PLXNA4: variants seen among roughly 807,000 people sequenced by gnomAD.
The protein encoded by PLXNA4 is plexin-A4.
In PLXNA4, 44 loss-of-function variants were observed where a neutral mutation model predicts 191.8. The observed-to-expected ratio is 0.23, with a 90% CI of 0.18 to 0.29. PLXNA4 has a LOEUF of 0.29. PLXNA4 is among the 10% of genes least tolerant of loss of function. The pLI is 1.00. For missense variants in PLXNA4, 1,800 were observed against 2,488.8 expected (o/e 0.72, Z 5.89); for synonymous variants, 1,082 against 1,009.5 (o/e 1.07, Z -1.36).
At chr7:132,412,025 G>A (rs879863182) in intron 3 of PLXNA4, among the ~76,000 whole-genome samples, 15 of 152,002 alleles carry the variant, frequency 9.9e-5, no homozygotes, top group Non-Finnish European at 1.5e-4. Context: ...CAAAGGTGCC[G>A]AGTTTGTTCT....
intron 3 of PLXNA4, among the ~76,000 whole-genome samples, chr7:132,460,039 T>C (rs1045273332): frequency 3.3e-5 from 5 of 151,994 alleles, no homozygotes; most frequent in Admixed American, 2.0e-4. Context: ...TATGGCTGTG[T>C]ACAATTCAGA....
chr7:132,154,160 C>A (rs1009705900), intron 25 of PLXNA4, among the ~76,000 whole-genome samples: 1 of 152,156 alleles, frequency 6.6e-6, no homozygotes, highest in Admixed American at 6.5e-5. Context: ...CCCACTCCAC[C>A]CTCCAAACCC....
chr7:132,223,428 A>C lies in PLXNA4; in HGVS notation c.2097+99T>G, dbSNP rs1048749816. Reference sequence around the variant, plus strand: ...GCCAGGAAGAAGGGGGTGGTCCTGCACAGTTTTCCTTTGGTTTCTCCTCTT... The same window carrying C: ...GCCAGGAAGAAGGGGGTGGTCCTGCCCAGTTTTCCTTTGGTTTCTCCTCTT... On this transcript the variant is annotated intron_variant, in intron 9 of 31. Transcript: ENST00000321063. 4.9e-6 allele frequency: 5 copies of C among 1,016,944 alleles called. No individual in the cohort carries two copies. The African/African-American group carries it at 8.0e-5, about 16-fold the overall frequency. The allele number at this position is 1,016,944 out of a possible 1,614,324, so 63.0% of individuals were successfully genotyped here.
chr7:132,228,641 A>T (rs531232636), intron 5 of PLXNA4, among the ~76,000 whole-genome samples, 172 bp from the exon 6 acceptor site: 1 of 152,092 alleles, frequency 6.6e-6, no homozygotes, highest in Non-Finnish European at 1.5e-5. Context: ...ATCATTCCCA[A>T]ATTTAGAAAA....
intron 27 of PLXNA4, 149 bp downstream of exon 27, chr7:132,147,751 C>G: frequency 9.9e-7 from 1 of 1,014,650 alleles, no homozygotes; most frequent in Non-Finnish European, 1.4e-6. Context: ...GGGTCCTCTT[C>G]CCCCACCTGG....
At chr7:132,462,836 ATTTTTTTTTTTT>A (rs57607720) in intron 3 of PLXNA4, among the ~76,000 whole-genome samples, 1 of 88,946 alleles carries the variant, frequency 1.1e-5, no homozygotes, top group Non-Finnish European at 2.1e-5. Context: ...CATTTCTATA[ATTTTTTTTTTTT>A]TTTTTTTTTT....
chr7:132,133,033 G>GC lies in PLXNA4; in HGVS notation c.5589+15dup, dbSNP rs1174228801. The GC allele has an allele frequency of 6.2e-7, 1 of 1,611,324 alleles. No homozygotes were observed. The highest frequency in any genetic ancestry group is 1.7e-5 in the Admixed American group (1 of 59,888). ...CCCCTTCCATCCCAATGGGCCTGGA[G>GC]CAGGGCAAAGCTTACCTCCTCGCTG... On this transcript the variant is annotated intron_variant, in intron 31 of 31. Transcript: ENST00000321063.
chr7:132,383,652 A>C (rs1804991004), intron 3 of PLXNA4: 2 of 982,328 alleles, frequency 2.0e-6, no homozygotes, highest in African/African-American at 1.7e-5. Flanking sequence ...AATCTACCTA[A>C]CCATTCTCCT....
chr7:132,427,992 C>G (rs1037034723), intron 3 of PLXNA4, among the ~76,000 whole-genome samples: 2 of 152,178 alleles, frequency 1.3e-5, no homozygotes, highest in Non-Finnish European at 2.9e-5. Flanking sequence ...TGCTAGAAAA[C>G]CCATATGCTT....
upstream of PLXNA4, chr7:132,576,660 G>A (rs550735338): frequency 4.0e-5 from 37 of 934,272 alleles, no homozygotes; most frequent in South Asian, 5.9e-4. The surrounding 1 kb of genome is among the most constrained non-coding windows in gnomAD (Gnocchi z 5.8). Context: ...CTCTTGCGGC[G>A]TCCAAGGTGG....
At chr7:132,503,552 C>T (rs548446480) in intron 2 of PLXNA4, among the ~76,000 whole-genome samples, 2 of 152,250 alleles carry the variant, frequency 1.3e-5, no homozygotes, top group Middle Eastern at 3.4e-3. Flanking sequence ...TGCATAAGGT[C>T]CTGGCACATG....
chr7:132,562,621 T>C (rs1415854649), intron 1 of PLXNA4, among the ~76,000 whole-genome samples: 4 of 102,094 alleles, frequency 3.9e-5, no homozygotes, highest in Non-Finnish European at 6.0e-5. Flanking sequence ...CTCCTCCTCT[T>C]CCTCCTCCTT....
At chr7:132,304,332 A>T in intron 3 of PLXNA4, among the ~76,000 whole-genome samples, 1 of 152,274 alleles carries the variant, frequency 6.6e-6, no homozygotes, top group East Asian at 1.9e-4. Context: ...TAGTTCCAGA[A>T]CAGCACTGGA....
chr7:132,522,086 A>T (rs137941579), intron 1 of PLXNA4, among the ~76,000 whole-genome samples: 1 of 152,254 alleles, frequency 6.6e-6, no homozygotes, highest in East Asian at 1.9e-4. Flanking sequence ...GATCCACTGC[A>T]AGACCCAGGA....
chr7:132,255,406 C>T (rs962030874), intron 4 of PLXNA4, among the ~76,000 whole-genome samples: 1 of 152,210 alleles, frequency 6.6e-6, no homozygotes, highest in Admixed American at 6.5e-5. Context: ...CCTAGACCAT[C>T]CAAACCTAAC....
intron 3 of PLXNA4, among the ~76,000 whole-genome samples, chr7:132,430,416 C>T (rs1795215608): frequency 6.6e-6 from 1 of 151,984 alleles, no homozygotes; most frequent in African/African-American, 2.4e-5. Context: ...TAGCACAAGG[C>T]AGATCAAATC....
chr7:132,151,291 GAAGAAGA>G (rs1795596623), intron 25 of PLXNA4, among the ~76,000 whole-genome samples: 2 of 47,504 alleles, frequency 4.2e-5, no homozygotes, highest in Non-Finnish European at 5.7e-5. Context: ...GGAGGAGGAG[GAAGAAGA>G]AGGAGGAGGA....
chr7:132,519,597 T>C (rs549641801), intron 1 of PLXNA4, among the ~76,000 whole-genome samples: 2 of 152,286 alleles, frequency 1.3e-5, no homozygotes, highest in East Asian at 3.9e-4. Flanking sequence ...TGCCTGCCAC[T>C]CTAACCTACA....
intron 3 of PLXNA4, among the ~76,000 whole-genome samples, chr7:132,477,858 G>A (rs1797191580): frequency 6.6e-6 from 1 of 151,990 alleles, no homozygotes; most frequent in African/African-American, 2.4e-5. Context: ...TATAATTTTG[G>A]GGTAATCAAA....
Sources: gnomAD v4.1 joint callset for allele counts (sites outside exome capture counted in the v4.1 genomes callset) on GRCh38, gnomAD v4.1.1 for gene constraint, Gnocchi (gnomAD v3.1) non-coding constraint, MANE v1.5 for transcripts, NCBI Gene and HGNC (gene_info 2026-07-23, HGNC 2026-07-21) for gene names.